Variants in FSTL4 observed in about 807,000 individuals in gnomAD.
FSTL4 encodes follistatin-related protein 4.
A neutral mutation model predicts 78.2 loss-of-function variants in FSTL4; 28 were observed. That is an observed-to-expected ratio of 0.36 (90% CI 0.27 to 0.49). The LOEUF (loss-of-function observed/expected upper bound fraction) is 0.49, where lower values mean the gene tolerates loss of function less well. FSTL4 is among the 20% of genes least tolerant of loss of function. The pLI is 0.98. For synonymous variants in FSTL4, 422 were observed against 440.5 expected (o/e 0.96, Z 0.53); for missense variants, 922 against 1,084.9 (o/e 0.85, Z 2.11).
At chr5:133,244,438 C>T (rs1030624579) in intron 7 of FSTL4, 1 of 152,338 alleles carries the variant, frequency 6.6e-6, no homozygotes, top group Non-Finnish European at 1.5e-5. Flanking sequence ...AGAAGCACAT[C>T]CAGACACACA....
Position 133,233,511 on chromosome 5 carries a change from G to A in FSTL4, c.921C>T (p.Tyr307=). ...TGTGGATGGTGGTCACCTTGGTGAT[G>A]TACAGGGAATCATCCTCTCCAAAGT... ...INDFGEDDSL[Y]ITKVTTIHMG... The change falls in exon 8 of 16, where the codon TAC becomes TAT. Residue 307 remains tyrosine (Y), a synonymous_variant. Transcript: ENST00000265342. The A allele has an allele frequency of 6.2e-7, 1 of 1,614,150 alleles. No individual in the cohort carries two copies. Among genetic ancestry groups the A allele is most frequent in the Non-Finnish European group, 8.5e-7 (1 of 1,179,960 alleles).
At chr5:133,695,544 C>G in the FSTL4 span, among the ~76,000 whole-genome samples, 2 of 152,316 alleles carry the variant, frequency 1.3e-5, no homozygotes, top group Admixed American at 1.3e-4. Flanking sequence ...CCAAAGAGGT[C>G]ATAGCTGGAG....
the FSTL4 span, among the ~76,000 whole-genome samples, chr5:133,697,571 C>T: frequency 6.6e-6 from 1 of 152,194 alleles, no homozygotes; most frequent in Non-Finnish European, 1.5e-5. Context: ...AAAACTGAAG[C>T]CCCACTTGCT....
At chr5:133,696,931 A>C in the FSTL4 span, among the ~76,000 whole-genome samples, 4 of 152,100 alleles carry the variant, frequency 2.6e-5, no homozygotes, top group Admixed American at 1.3e-4. Flanking sequence ...GCCTAAATGG[A>C]CCCCAAGCTT....
the FSTL4 span, among the ~76,000 whole-genome samples, chr5:133,634,148 C>T: frequency 6.6e-6 from 1 of 152,136 alleles, no homozygotes; most frequent in Non-Finnish European, 1.5e-5. Context: ...CAAAACCAAA[C>T]TCCCTATTTG....
the FSTL4 span, among the ~76,000 whole-genome samples, chr5:133,658,600 C>T: frequency 1.3e-5 from 2 of 151,996 alleles, no homozygotes; most frequent in Admixed American, 1.3e-4. Flanking sequence ...AGTTCATTTC[C>T]CATTGTTGTT....
At chr5:133,313,049 G>C (rs1162044005) in intron 5 of FSTL4, among the ~76,000 whole-genome samples, 1 of 152,192 alleles carries the variant, frequency 6.6e-6, no homozygotes, top group Non-Finnish European at 1.5e-5. Context: ...TGTCTAGGCA[G>C]ACAGACCCAG....
chr5:133,759,497 A>G, the FSTL4 span, among the ~76,000 whole-genome samples: 3 of 152,352 alleles, frequency 2.0e-5, no homozygotes, highest in Admixed American at 2.0e-4. Flanking sequence ...ATTTACCTAC[A>G]AAGCTATTTA....
At chr5:133,260,731 C>T (rs1752500039) in intron 6 of FSTL4, among the ~76,000 whole-genome samples, 1 of 152,204 alleles carries the variant, frequency 6.6e-6, no homozygotes, top group Admixed American at 6.5e-5. Flanking sequence ...AGCTTGTTTG[C>T]TGAATATTTA....
At chr5:133,386,414 T>G (rs1755702591) in intron 4 of FSTL4, among the ~76,000 whole-genome samples, 1 of 152,214 alleles carries the variant, frequency 6.6e-6, no homozygotes. Context: ...CGCTCAACTG[T>G]GCATCTTGTT....
the FSTL4 span, among the ~76,000 whole-genome samples, chr5:133,675,758 C>CA: frequency 3.3e-5 from 5 of 152,238 alleles, no homozygotes; most frequent in Admixed American, 6.5e-5. Context: ...TCACAGTACA[C>CA]AAAAAATGGG....
At chr5:133,765,997 T>C in the FSTL4 span, among the ~76,000 whole-genome samples, 1 of 152,066 alleles carries the variant, frequency 6.6e-6, no homozygotes, top group Non-Finnish European at 1.5e-5. Context: ...CTTCAATCTC[T>C]CCGGCATATT....
chr5:133,688,684 G>A, the FSTL4 span, among the ~76,000 whole-genome samples: 4 of 152,186 alleles, frequency 2.6e-5, no homozygotes, highest in East Asian at 1.9e-4. Context: ...AATAGGTCTC[G>A]CTCAGGACTC....
chr5:133,836,149 G>C, the FSTL4 span, among the ~76,000 whole-genome samples: 2 of 152,084 alleles, frequency 1.3e-5, no homozygotes, highest in Non-Finnish European at 2.9e-5. Context: ...TCTTCATCCT[G>C]TAATTAGTCT....
the FSTL4 span, among the ~76,000 whole-genome samples, chr5:133,686,213 AGAGTCAGACT>A: frequency 6.6e-6 from 1 of 152,210 alleles, no homozygotes; most frequent in East Asian, 1.9e-4. Flanking sequence ...CCCAGACCCC[AGAGTCAGACT>A]GCCTGCTTTC....
chr5:133,815,100 G>A, the FSTL4 span, among the ~76,000 whole-genome samples: 1 of 152,150 alleles, frequency 6.6e-6, no homozygotes, highest in African/African-American at 2.4e-5. Flanking sequence ...ACCACTCTAG[G>A]ATAAGACCCG....
At chr5:133,672,777 A>G in the FSTL4 span, among the ~76,000 whole-genome samples, 2 of 152,138 alleles carry the variant, frequency 1.3e-5, no homozygotes. Context: ...ATCCCAAGAG[A>G]TTTGGAAGAA....
At chr5:133,226,346 G>A (rs1274774064) in intron 8 of FSTL4, among the ~76,000 whole-genome samples, 1 of 152,168 alleles carries the variant, frequency 6.6e-6, no homozygotes, top group African/African-American at 2.4e-5. Flanking sequence ...GAAAGGCCAG[G>A]TGTGCCCTCC....
chr5:133,753,043 C>T, the FSTL4 span, among the ~76,000 whole-genome samples: 1 of 152,180 alleles, frequency 6.6e-6, no homozygotes, highest in East Asian at 1.9e-4. Flanking sequence ...AAGAAAACTA[C>T]ACCACAATGA....
Sources: allele counts gnomAD v4.1 joint callset (sites outside exome capture counted in the v4.1 genomes callset), GRCh38; gene constraint gnomAD v4.1.1; transcripts MANE v1.5; gene names NCBI Gene and HGNC (gene_info 2026-07-23, HGNC 2026-07-21).